STARD13: variants seen among roughly 807,000 people sequenced by gnomAD.
STARD13 encodes the protein stAR-related lipid transfer protein 13.
STARD13 carries 62 observed loss-of-function variants against 106.4 expected under a neutral mutation model. The ratio of observed to expected loss-of-function variants is 0.58; its 90% CI spans 0.48 to 0.72. STARD13 has a LOEUF of 0.72. Ranked by LOEUF, STARD13 falls within the 30% of genes least tolerant of loss-of-function variation. STARD13 has a pLI of 0.00. For synonymous variants in STARD13, 565 were observed against 553.0 expected, an observed-to-expected ratio of 1.02 and a Z score of -0.31; for missense variants, 1,387 against 1,424.0, an observed-to-expected ratio of 0.97 and a Z score of 0.42.
At chr13:33,262,721 C>T (rs556956393) in intron 1 of STARD13, among the ~76,000 whole-genome samples, 1 of 145,234 alleles carries the variant, frequency 6.9e-6, no homozygotes, top group Non-Finnish European at 1.5e-5. Context: ...TTGTTATTTA[C>T]AAGTCTCGAT....
At chr13:33,240,031 A>T (rs1889390767) in intron 1 of STARD13, among the ~76,000 whole-genome samples, 1 of 152,136 alleles carries the variant, frequency 6.6e-6, no homozygotes, top group South Asian at 2.1e-4. Context: ...CAGGTCTTAC[A>T]TTCAGCTATT....
At chr13:33,155,374 A>G (rs753505592) in intron 3 of STARD13, 1 of 152,254 alleles carries the variant, frequency 6.6e-6, no homozygotes, top group Non-Finnish European at 1.5e-5. Flanking sequence ...AGCTTAGCAC[A>G]CAACTTCATG....
the STARD13 span, among the ~76,000 whole-genome samples, chr13:33,365,580 C>G: frequency 6.6e-6 from 1 of 152,136 alleles, no homozygotes; most frequent in Admixed American, 6.5e-5. Context: ...AGAGTGAACA[C>G]AAGATTATCT....
chr13:33,266,973 T>C (rs1417834829), intron 1 of STARD13, among the ~76,000 whole-genome samples: 1 of 152,244 alleles, frequency 6.6e-6, no homozygotes, highest in East Asian at 1.9e-4. Context: ...AAAAGTGGTC[T>C]CTGTTTCTGA....
the STARD13 span, among the ~76,000 whole-genome samples, chr13:33,360,681 A>AGACAGAAGGAT: frequency 0.019 from 962 of 50,346 alleles, 4 homozygotes; most frequent in Middle Eastern, 0.023. Flanking sequence ...GACAGAAGGA[A>AGACAGAAGGAT]TCCTTCTGTG....
At chr13:33,206,214 G>C (rs1345676430) in intron 1 of STARD13, among the ~76,000 whole-genome samples, 1 of 152,034 alleles carries the variant, frequency 6.6e-6, no homozygotes, top group Non-Finnish European at 1.5e-5. Flanking sequence ...CCTTCTCCTA[G>C]GCACCCCCAC....
intron 1 of STARD13, among the ~76,000 whole-genome samples, chr13:33,219,182 G>A (rs967237426): frequency 8.5e-5 from 13 of 152,100 alleles, no homozygotes. Flanking sequence ...CATGCAGTAC[G>A]CCACAGTTCC....
At chr13:33,618,939 T>C in the STARD13 span, among the ~76,000 whole-genome samples, 1 of 151,954 alleles carries the variant, frequency 6.6e-6, no homozygotes, top group African/African-American at 2.4e-5. Flanking sequence ...TGTGTGTGTG[T>C]GTTTTGTGGA....
At chr13:33,250,185 A>G (rs931668242) in intron 1 of STARD13, among the ~76,000 whole-genome samples, 1 of 152,222 alleles carries the variant, frequency 6.6e-6, no homozygotes, top group African/African-American at 2.4e-5. Context: ...ATAAAAAAAA[A>G]TCTGGAAAAT....
intron 4 of STARD13, among the ~76,000 whole-genome samples, chr13:33,139,118 C>T (rs747998784): frequency 1.3e-5 from 2 of 152,166 alleles, no homozygotes; most frequent in African/African-American, 2.4e-5. Context: ...TGGCAAGAAC[C>T]ATGCCTCTTA....
rs1451010965 is a variant in STARD13 at position 33,229,864 on chromosome 13, G to A, written c.169+55606C>T. Among the ~76,000 whole-genome samples, 3 of 152,322 alleles carry A rather than the reference G, an allele frequency of 2.0e-5. 1 individual carries two copies. In the South Asian group the frequency reaches 6.2e-4, roughly 32 times the overall value. ...CTCACATTCAAAGGCAGCTCTCTTT[G>A]TTGTCCCCCAGGAGTTAAACCTTAA... On this transcript the variant is annotated intron_variant, in intron 1 of 13. Coordinates refer to ENST00000336934, the MANE Select transcript of STARD13 (RefSeq NM_178006.4).
At chr13:33,325,313 A>G (rs890257469) in intron 1 of STARD13, among the ~76,000 whole-genome samples, 8 of 152,194 alleles carry the variant, frequency 5.3e-5, no homozygotes, top group African/African-American at 1.7e-4. Context: ...CTCCAAAAGG[A>G]AACAGGATGA....
At chr13:33,658,199 A>G in the STARD13 span, 1 of 154,558 alleles carries the variant, frequency 6.5e-6, no homozygotes, top group Non-Finnish European at 1.4e-5. Context: ...ACTTAGCGTA[A>G]TGTCCTCGAG....
the STARD13 span, among the ~76,000 whole-genome samples, chr13:33,593,074 A>G: frequency 6.6e-6 from 1 of 152,238 alleles, no homozygotes; most frequent in African/African-American, 2.4e-5. Context: ...GCCAGGGCTG[A>G]GGATCTGATA....
At chr13:33,259,129 C>A (rs1172418260) in intron 1 of STARD13, among the ~76,000 whole-genome samples, 1 of 152,200 alleles carries the variant, frequency 6.6e-6, no homozygotes, top group Non-Finnish European at 1.5e-5. Context: ...CCTCCCCTGC[C>A]CCCACTAGAA....
At chr13:33,637,424 G>C in the STARD13 span, among the ~76,000 whole-genome samples, 5 of 152,328 alleles carry the variant, frequency 3.3e-5, no homozygotes, top group East Asian at 5.8e-4. Context: ...TCTGGCCTAG[G>C]GGGTAAATGA....
intron 1 of STARD13, among the ~76,000 whole-genome samples, chr13:33,294,680 A>G (rs1892420413): frequency 6.6e-6 from 1 of 152,198 alleles, no homozygotes; most frequent in African/African-American, 2.4e-5. Flanking sequence ...TTTATTTTCA[A>G]TGAATTGCTT....
At chr13:33,605,294 G>A in the STARD13 span, among the ~76,000 whole-genome samples, 1 of 151,250 alleles carries the variant, frequency 6.6e-6, no homozygotes, top group Admixed American at 6.6e-5. Context: ...TGTTGCTCAG[G>A]CTGCTCTCAA....
intron 3 of STARD13, among the ~76,000 whole-genome samples, chr13:33,143,003 A>G (rs1035340049): frequency 6.6e-6 from 1 of 152,172 alleles, no homozygotes; most frequent in Non-Finnish European, 1.5e-5. Context: ...GTAAGAAGAG[A>G]TACCAGAGAG....
Sources: allele counts gnomAD v4.1 joint callset (sites outside exome capture counted in the v4.1 genomes callset), GRCh38; gene constraint gnomAD v4.1.1; transcripts MANE v1.5; gene names NCBI Gene and HGNC (gene_info 2026-07-23, HGNC 2026-07-21).